COMMD1: variants seen among roughly 807,000 people sequenced by gnomAD.
COMMD1 encodes copper metabolism domain containing 1, also known as COMM domain-containing protein 1.
A neutral mutation model predicts 17.2 loss-of-function variants in COMMD1; 10 were observed. That is an observed-to-expected ratio of 0.58 (90% CI 0.36 to 0.99). The LOEUF (loss-of-function observed/expected upper bound fraction) is 0.99. Ranked by LOEUF, COMMD1 falls within the 50% of genes least tolerant of loss-of-function variation. The pLI is 0.01. For synonymous variants in COMMD1, 97 were observed against 91.6 expected, an observed-to-expected ratio of 1.06 and a Z score of -0.34; for missense variants, 270 against 231.8, an observed-to-expected ratio of 1.17 and a Z score of -1.07.
At chr2:62,017,816 T>C (rs1669495242) in intron 2 of COMMD1, among the ~76,000 whole-genome samples, 1 of 151,854 alleles carries the variant, frequency 6.6e-6, no homozygotes, top group Non-Finnish European at 1.5e-5. Flanking sequence ...GGCAGAACGA[T>C]TGTTTGAGTT....
At chr2:61,963,590 C>T (rs143727684) in intron 1 of COMMD1, among the ~76,000 whole-genome samples, 515 of 152,234 alleles carry the variant, frequency 3.4e-3, no homozygotes, top group Non-Finnish European at 5.4e-3. Flanking sequence ...GTGATCTGCC[C>T]GCCTCGGCCT....
At chr2:61,888,489 G>A (rs756644818), upstream of COMMD1, 6 of 1,612,120 alleles carry the variant, frequency 3.7e-6, no homozygotes, top group Middle Eastern at 1.7e-4. Context: ...CCGCTCCGGG[G>A]TGCCACATTC....
chr2:61,917,698 T>G (rs958401045), intron 1 of COMMD1, among the ~76,000 whole-genome samples: 7 of 152,202 alleles, frequency 4.6e-5, no homozygotes, highest in Admixed American at 2.0e-4. Flanking sequence ...CGGCTAATTT[T>G]GTTTTTGCAT....
upstream of COMMD1, among the ~76,000 whole-genome samples, chr2:61,905,230 ATAGT>A (rs1398251040): frequency 2.0e-5 from 3 of 152,218 alleles, no homozygotes; most frequent in Admixed American, 1.3e-4. Flanking sequence ...TAATCAGGAG[ATAGT>A]TAAACTTCCT....
At chr2:61,954,083 C>T (rs556370935) in intron 1 of COMMD1, among the ~76,000 whole-genome samples, 26 of 152,066 alleles carry the variant, frequency 1.7e-4, no homozygotes, top group African/African-American at 6.3e-4. Context: ...CTGGCAGATA[C>T]CTGTAATCTC....
intron 1 of COMMD1, among the ~76,000 whole-genome samples, chr2:61,972,691 C>T (rs186369557): frequency 1.3e-5 from 2 of 152,304 alleles, no homozygotes; most frequent in Non-Finnish European, 2.9e-5. Flanking sequence ...TCAGGCAAAT[C>T]TCAACTGAGG....
intron 2 of COMMD1, among the ~76,000 whole-genome samples, chr2:62,131,828 C>G (rs1266223072): frequency 6.6e-6 from 1 of 151,908 alleles, no homozygotes; most frequent in Non-Finnish European, 1.5e-5. Flanking sequence ...CAGGCATGAG[C>G]CACCACCCCT....
At chr2:62,101,111 A>AAT (rs397824174) in intron 2 of COMMD1, among the ~76,000 whole-genome samples, 1 of 150,784 alleles carries the variant, frequency 6.6e-6, no homozygotes, top group Non-Finnish European at 1.5e-5. Flanking sequence ...AAAAAAAAAA[A>AAT]TGAGAGCTTA....
chr2:61,888,727 G>T (rs923815931), exon 1 of COMMD1: 13 of 548,304 alleles, frequency 2.4e-5, no homozygotes, highest in African/African-American at 2.2e-4. Context: ...CGAGGAGGAT[G>T]CGTGCGGTGG....
intron 2 of COMMD1, among the ~76,000 whole-genome samples, chr2:62,020,022 A>G (rs1454914203): frequency 6.6e-6 from 1 of 152,204 alleles, no homozygotes; most frequent in East Asian, 1.9e-4. Context: ...ATTCTCATTT[A>G]TAGCATCAGC....
chr2:62,128,613 C>T (rs575110250), intron 2 of COMMD1, among the ~76,000 whole-genome samples: 6 of 152,246 alleles, frequency 3.9e-5, no homozygotes, highest in African/African-American at 1.4e-4. Flanking sequence ...CCCTCCCTCC[C>T]TCCTTCCCTT....
chr2:62,086,266 T>C (rs1671666373), intron 2 of COMMD1, among the ~76,000 whole-genome samples: 1 of 151,952 alleles, frequency 6.6e-6, no homozygotes, highest in Non-Finnish European at 1.5e-5. Context: ...ACCCAGCACT[T>C]TGGGAGGCCG....
chr2:62,001,047 A>G (rs878867733), intron 2 of COMMD1, 65 bp downstream of exon 2: 7 of 1,429,094 alleles, frequency 4.9e-6, no homozygotes, highest in African/African-American at 2.8e-5. Flanking sequence ...TAGCTTGTCT[A>G]TTCAGCTTGA....
At chr2:62,081,570 A>G (rs1671521912) in intron 2 of COMMD1, among the ~76,000 whole-genome samples, 1 of 151,758 alleles carries the variant, frequency 6.6e-6, no homozygotes, top group African/African-American at 2.4e-5. Context: ...TTTTTTTTTA[A>G]ATGATATCCC....
chr2:62,061,240 A>G (rs897898153), intron 2 of COMMD1, among the ~76,000 whole-genome samples: 45 of 152,148 alleles, frequency 3.0e-4, no homozygotes, highest in Non-Finnish European at 1.3e-4. Flanking sequence ...TTTCCTGTTT[A>G]TTCATATAGC....
At chr2:62,068,283 C>G (rs1240660789) in intron 2 of COMMD1, among the ~76,000 whole-genome samples, 1 of 152,192 alleles carries the variant, frequency 6.6e-6, no homozygotes, top group African/African-American at 2.4e-5. Context: ...CGAACATTGA[C>G]TCAAAATGGA....
At chr2:61,925,799 A>G (rs929148159) in intron 1 of COMMD1, among the ~76,000 whole-genome samples, 2 of 152,182 alleles carry the variant, frequency 1.3e-5, no homozygotes, top group Non-Finnish European at 2.9e-5. Context: ...CAGTATTACT[A>G]TTTTAAAATC....
intron 1 of COMMD1, among the ~76,000 whole-genome samples, chr2:61,923,060 T>G (rs1670238131): frequency 6.6e-6 from 1 of 152,234 alleles, no homozygotes; most frequent in African/African-American, 2.4e-5. Context: ...CAAGAGATTT[T>G]GCTGAAGCAG....
intron 1 of COMMD1, among the ~76,000 whole-genome samples, chr2:61,890,936 T>A (rs1004114107): frequency 6.6e-6 from 1 of 151,604 alleles, no homozygotes; most frequent in African/African-American, 2.4e-5. Flanking sequence ...AAGTAGCACA[T>A]AAATTCTATG....
Sources: allele counts gnomAD v4.1 joint callset (sites outside exome capture counted in the v4.1 genomes callset), GRCh38; gene constraint gnomAD v4.1.1; transcripts MANE v1.5; gene names NCBI Gene and HGNC (gene_info 2026-07-23, HGNC 2026-07-21).